Variants in RPA3 observed in about 807,000 individuals in gnomAD.
RPA3 encodes the protein replication protein A3, also known as replication protein A 14 kDa subunit.
Under a neutral mutation model 13.7 loss-of-function variants are expected in RPA3, and 24 were observed. The ratio of observed to expected loss-of-function variants is 1.75; its 90% CI spans 1.27 to 2.46. RPA3 has a LOEUF of 2.46. Among genes scored for constraint, RPA3 ranks in the 30% most tolerant of loss-of-function variants. The pLI is 0.00. For synonymous variants in RPA3, 59 were observed against 51.2 expected (o/e 1.15, Z -0.65); for missense variants, 183 against 151.0 (o/e 1.21, Z -1.11).
At chr7:7,709,579 TA>T (rs1780697663) in intron 2 of RPA3, among the ~76,000 whole-genome samples, 1 of 152,256 alleles carries the variant, frequency 6.6e-6, no homozygotes, top group Non-Finnish European at 1.5e-5. Flanking sequence ...GCTTGTGGGA[TA>T]AGAATGGTTT....
At chr7:7,652,637 G>C (rs539370290) in intron 4 of RPA3, among the ~76,000 whole-genome samples, 17 of 152,206 alleles carry the variant, frequency 1.1e-4, no homozygotes, top group African/African-American at 4.1e-4. Flanking sequence ...GGTTAATTCC[G>C]TGAATTTGGA....
intron 4 of RPA3, among the ~76,000 whole-genome samples, chr7:7,663,361 TTTAA>T (rs1227213090): frequency 6.6e-6 from 1 of 152,324 alleles, no homozygotes; most frequent in South Asian, 2.1e-4. Context: ...TGTTAATCAA[TTTAA>T]TTAATTAGTT....
chr7:7,675,143 G>A (rs1779707807), intron 4 of RPA3, among the ~76,000 whole-genome samples: 1 of 152,146 alleles, frequency 6.6e-6, no homozygotes, highest in Non-Finnish European at 1.5e-5. Context: ...GGGATTACAG[G>A]CATGAGCCAC....
At chr7:7,638,123 T>C (rs1245562116) in intron 6 of RPA3, 151 bp from the exon 7 acceptor site, 3 of 532,006 alleles carry the variant, frequency 5.6e-6, no homozygotes, top group Non-Finnish European at 6.6e-6. Context: ...TGTAACTTGT[T>C]AACAAATGTT....
intron 2 of RPA3, among the ~76,000 whole-genome samples, chr7:7,696,100 G>A (rs1033595578): frequency 2.0e-5 from 3 of 150,650 alleles, no homozygotes; most frequent in African/African-American, 7.3e-5. Context: ...CTACCTCCTG[G>A]GTTCAAGCGA....
intron 1 of RPA3, among the ~76,000 whole-genome samples, chr7:7,717,300 G>A (rs1027819967): frequency 5.3e-5 from 8 of 151,880 alleles, no homozygotes; most frequent in African/African-American, 1.9e-4. Flanking sequence ...CAAGTGATCC[G>A]CCTGCCTCAG....
At chr7:7,672,837 A>G (rs1293706895) in intron 4 of RPA3, among the ~76,000 whole-genome samples, 3 of 152,200 alleles carry the variant, frequency 2.0e-5, no homozygotes, top group Non-Finnish European at 4.4e-5. Context: ...GAGTGTCTCA[A>G]TTAGGTAACC....
At chr7:7,695,133 A>G (rs1162875494) in intron 2 of RPA3, among the ~76,000 whole-genome samples, 2 of 152,164 alleles carry the variant, frequency 1.3e-5, no homozygotes. Flanking sequence ...TTCTCTGATG[A>G]TCAGTAATGT....
At chr7:7,652,204 T>G (rs1356517056) in intron 4 of RPA3, among the ~76,000 whole-genome samples, 1 of 152,240 alleles carries the variant, frequency 6.6e-6, no homozygotes, top group African/African-American at 2.4e-5. Context: ...TGTTTTACAT[T>G]GCTCGTTTGC....
At chr7:7,683,499 A>G (rs867798366) in intron 4 of RPA3, among the ~76,000 whole-genome samples, 1 of 152,350 alleles carries the variant, frequency 6.6e-6, no homozygotes, top group Middle Eastern at 3.4e-3. Context: ...TGAGCCATAA[A>G]CAAAAAGCAA....
intron 5 of RPA3, chr7:7,640,019 T>C (rs749709045): frequency 5.2e-6 from 2 of 386,366 alleles, no homozygotes; most frequent in Non-Finnish European, 9.4e-6. Flanking sequence ...AACTAAGAAA[T>C]CTGAAGGTAG....
intron 4 of RPA3, among the ~76,000 whole-genome samples, chr7:7,653,193 T>C (rs1785266876): frequency 6.6e-6 from 1 of 151,494 alleles, no homozygotes; most frequent in African/African-American, 2.4e-5. Context: ...CTTCAGAAAT[T>C]CTTCTTGTAC....
intron 4 of RPA3, among the ~76,000 whole-genome samples, chr7:7,685,317 T>G (rs1326317450): frequency 9.3e-5 from 14 of 151,202 alleles, no homozygotes; most frequent in Admixed American, 9.2e-4. Context: ...CATTGATCTT[T>G]TTTTTTTTTT....
At chr7:7,645,220 A>G (rs1251643884) in intron 4 of RPA3, among the ~76,000 whole-genome samples, 2 of 152,072 alleles carry the variant, frequency 1.3e-5, no homozygotes, top group African/African-American at 4.8e-5. Context: ...TATCTTTCTT[A>G]CCTTTTGCCT....
chr7:7,673,273 A>C, intron 4 of RPA3: 1 of 1,096,114 alleles, frequency 9.1e-7, no homozygotes, highest in Non-Finnish European at 1.3e-6. Flanking sequence ...TTACAGTTGC[A>C]TCTGAATTTG....
chr7:7,682,878 T>C (rs987989008), intron 4 of RPA3, among the ~76,000 whole-genome samples: 4 of 152,250 alleles, frequency 2.6e-5, no homozygotes, highest in Non-Finnish European at 4.4e-5. Flanking sequence ...TGTTTTTCTA[T>C]TAAGAAATGT....
intron 2 of RPA3, among the ~76,000 whole-genome samples, chr7:7,688,857 A>G (rs969177328): frequency 2.6e-5 from 4 of 152,208 alleles, no homozygotes; most frequent in African/African-American, 7.2e-5. Context: ...CTTGTAAACC[A>G]TTTAATATTT....
At chr7:7,686,481 G>A (rs887172469) in intron 3 of RPA3, among the ~76,000 whole-genome samples, 3 of 152,040 alleles carry the variant, frequency 2.0e-5, no homozygotes, top group African/African-American at 7.3e-5. Context: ...TATAGTTTCA[G>A]CAAGATTGAG....
intron 4 of RPA3, among the ~76,000 whole-genome samples, chr7:7,679,990 G>A (rs905567759): frequency 6.6e-6 from 1 of 152,016 alleles, no homozygotes; most frequent in Non-Finnish European, 1.5e-5. Context: ...TCTGTGGGTT[G>A]TCTCTTTACT....
Sources: allele counts gnomAD v4.1 joint callset (sites outside exome capture counted in the v4.1 genomes callset), GRCh38; gene constraint gnomAD v4.1.1; transcripts MANE v1.5; gene names NCBI Gene and HGNC (gene_info 2026-07-23, HGNC 2026-07-21).